NEK10: variants seen among roughly 807,000 people sequenced by gnomAD.
NEK10 encodes serine/threonine-protein kinase Nek10.
In NEK10, 122 loss-of-function variants were observed where a neutral mutation model predicts 159.8. That is an observed-to-expected ratio of 0.76 (90% CI 0.66 to 0.89). The LOEUF is 0.89. Ranked by LOEUF, NEK10 falls within the 40% of genes least tolerant of loss-of-function variation. The pLI is 0.00. For missense variants in NEK10, 1,342 were observed against 1,323.1 expected, an observed-to-expected ratio of 1.01 and a Z score of -0.22; for synonymous variants, 466 against 457.1, an observed-to-expected ratio of 1.02 and a Z score of -0.25.
intron 23 of NEK10, among the ~76,000 whole-genome samples, chr3:27,208,433 T>C (rs1950712875): frequency 6.6e-6 from 1 of 151,978 alleles, no homozygotes; most frequent in African/African-American, 2.4e-5. Flanking sequence ...CCATAAAAAT[T>C]AAAGAGCACC....
chr3:27,148,790 C>G (rs1944549329), intron 30 of NEK10, among the ~76,000 whole-genome samples: 2 of 152,110 alleles, frequency 1.3e-5, no homozygotes, highest in Admixed American at 6.5e-5. Context: ...TTCCTTTAGC[C>G]TTTCCTCCCA....
At chr3:27,174,986 ACAG>A (rs1193407860) in intron 26 of NEK10, among the ~76,000 whole-genome samples, 153 bp from the exon 27 acceptor site, 1 of 152,220 alleles carries the variant, frequency 6.6e-6, no homozygotes, top group Non-Finnish European at 1.5e-5. Context: ...TACACCTGTT[ACAG>A]AATCTATTCA....
chr3:27,210,710 C>A (rs1449397202), intron 23 of NEK10, among the ~76,000 whole-genome samples: 1 of 152,192 alleles, frequency 6.6e-6, no homozygotes, highest in Non-Finnish European at 1.5e-5. Flanking sequence ...AATTTCTATA[C>A]CTTTCTCCTA....
rs1939379275 is a variant in NEK10 at position 27,110,238 on chromosome 3, T to C, written c.*1034A>G. Reference sequence around the variant, plus strand: ...TAAGAAGCTGATTGAAGAGAAGGAGTTTAAGCCCAGTGAGAATCTAGCAGA... The same window carrying C: ...TAAGAAGCTGATTGAAGAGAAGGAGCTTAAGCCCAGTGAGAATCTAGCAGA... On this transcript the variant is annotated 3_prime_UTR_variant, in exon 36 of 36. Transcript: ENST00000691995. 2 of 151,540 alleles carry C rather than the reference T, an allele frequency of 1.3e-5. No homozygotes were observed. Among genetic ancestry groups the C allele is most frequent in the African/African-American group, 4.9e-5 (2 of 41,214 alleles). 9.4% of individuals were successfully genotyped at this position (151,540 alleles called of 1,614,324 possible).
At position 27,174,483 on chromosome 3, in the gene NEK10, T is replaced by A; in HGVS notation, c.2732A>T (p.Asn911Ile). The A allele has an allele frequency of 6.2e-7, 1 of 1,612,214 alleles. No homozygotes were observed. Among genetic ancestry groups the A allele is most frequent in the Non-Finnish European group, 8.5e-7 (1 of 1,179,648 alleles). The change falls in exon 28 of 36, where the codon AAC becomes ATC. Residue 911 changes from asparagine (N) to isoleucine (I), a missense_variant. Asn to Ile is a moderately radical substitution (Grantham distance 149). Coordinates refer to ENST00000691995, the MANE Select transcript of NEK10 (RefSeq NM_001394966.1). The stretch of plus-strand genomic sequence containing the variant: ...AGGGCTTGAACTGGAGCTGCTGGAG[T>A]TATCCGAAATGTCCAATTCATCATC... ...EVDDELDISD[N>I]SSSSSSSPLK...
chr3:27,127,300 C>T (rs1346975572), intron 32 of NEK10, among the ~76,000 whole-genome samples: 1 of 152,084 alleles, frequency 6.6e-6, no homozygotes, highest in African/African-American at 2.4e-5. Context: ...ATAATTATCC[C>T]ACCTAAGAGG....
chr3:27,272,982 T>C (rs1272836429), intron 22 of NEK10, among the ~76,000 whole-genome samples: 1 of 152,150 alleles, frequency 6.6e-6, no homozygotes, highest in African/African-American at 2.4e-5. Context: ...GAGGGTATTA[T>C]AAGGAAAACA....
chr3:27,202,533 C>G lies in NEK10; in HGVS notation c.2115G>C (p.Pro705=), dbSNP rs139369015. 2 of 1,611,620 alleles carry G rather than the reference C, an allele frequency of 1.2e-6. No individual in the cohort carries two copies. The highest frequency in any genetic ancestry group is 8.5e-7 in the Non-Finnish European group (1 of 1,178,696). ...CCCAGACATCAGCCTTCTCCCCATA[C>G]GGCTCACTCTTCAGTACCTCGGGGC... ...YSCPEVLKSE[P]YGEKADVWAV... is the part of the protein sequence containing the mutation. Residue 705 remains proline, a synonymous_variant, in exon 24 of 36, where the codon CCG becomes CCC. Coordinates refer to ENST00000691995, the MANE Select transcript of NEK10 (RefSeq NM_001394966.1).
chr3:27,284,968 A>C lies in NEK10; in HGVS notation c.1790-7T>G. 6.3e-7 allele frequency: 1 copy of C among 1,576,966 alleles called. No individual in the cohort carries two copies. The highest frequency in any genetic ancestry group is 2.2e-5 in the East Asian group (1 of 44,752). Reference sequence around the variant, plus strand: ...ACTATGTACAACCTATCATCTATATAAATATCACAAAAGGTCACAGAAATT... The same window carrying C: ...ACTATGTACAACCTATCATCTATATCAATATCACAAAAGGTCACAGAAATT... On this transcript the variant is annotated splice_region_variant and splice_polypyrimidine_tract_variant and intron_variant, in intron 20 of 35. Coordinates refer to ENST00000691995, the MANE Select transcript of NEK10 (RefSeq NM_001394966.1).
At chr3:27,308,203 C>G (rs2044394270) in intron 10 of NEK10, among the ~76,000 whole-genome samples, 1 of 152,088 alleles carries the variant, frequency 6.6e-6, no homozygotes, top group African/African-American at 2.4e-5. Context: ...GGAAGAGCCC[C>G]TTATAAAACC....
rs748469017 is a variant in NEK10, at chr3:27,312,123, C to A, written c.544G>T (p.Val182Leu). The A allele has an allele frequency of 1.2e-6, 2 of 1,612,610 alleles. No homozygotes were observed. Among genetic ancestry groups the A allele is most frequent in the Non-Finnish European group, 1.7e-6 (2 of 1,179,026 alleles). The change falls in exon 8 of 36, where the codon GTG becomes TTG. Residue 182 changes from valine (V) to leucine (L), a missense_variant. By Grantham distance (32) the Val-to-Leu change is conservative. Coordinates refer to ENST00000691995, the MANE Select transcript of NEK10 (RefSeq NM_001394966.1). ...CATGTCATGTTGACCAGCTTGTCCACAGTGTGCTGCTCTTCTCCATAGCCG... is the reference window on the plus strand; with the variant it reads ...CATGTCATGTTGACCAGCTTGTCCAAAGTGTGCTGCTCTTCTCCATAGCCG... ...YLGYGEEQHT[V>L]DKLVNMTYIF... is the part of the protein sequence containing the mutation.
intron 29 of NEK10, among the ~76,000 whole-genome samples, chr3:27,168,428 C>T (rs1478503356): frequency 6.6e-6 from 1 of 152,052 alleles, no homozygotes; most frequent in Non-Finnish European, 1.5e-5. Flanking sequence ...CCAGGAAAAT[C>T]CTAAACAAAT....
intron 30 of NEK10, among the ~76,000 whole-genome samples, chr3:27,148,458 T>C (rs1209590205): frequency 6.6e-6 from 1 of 152,188 alleles, no homozygotes; most frequent in Non-Finnish European, 1.5e-5. Context: ...CAAAATGGTA[T>C]GGCTCATGTG....
intron 32 of NEK10, among the ~76,000 whole-genome samples, chr3:27,123,716 C>A (rs1941597243): frequency 6.6e-6 from 1 of 151,862 alleles, no homozygotes; most frequent in African/African-American, 2.4e-5. Context: ...TAGGAGGTAG[C>A]AGATAGATTT....
At chr3:27,223,095 C>T (rs899686083) in intron 23 of NEK10, among the ~76,000 whole-genome samples, 2 of 152,098 alleles carry the variant, frequency 1.3e-5, no homozygotes, top group Admixed American at 6.5e-5. Context: ...TTTCTAGAAC[C>T]CTTTCTTCAT....
rs1009950524 is a variant in NEK10 at position 27,228,337 on chromosome 3, C to G, written c.2091-25780G>C. On this transcript the variant is annotated intron_variant, in intron 23 of 35. Transcript: ENST00000691995. ...ATATTTGGAATTACCACTTTCCCTC[C>G]CATTGCTCAGATTTTGTGCTCTCTT... is the stretch of plus-strand genomic sequence containing the variant. Among the ~76,000 whole-genome samples, 9 of 152,040 alleles carry G rather than the reference C, an allele frequency of 5.9e-5. 1 individual carries two copies. The highest frequency in any genetic ancestry group is 3.3e-4 in the Admixed American group (5 of 15,262).
chr3:27,129,632 A>G (rs1942383011), intron 32 of NEK10, among the ~76,000 whole-genome samples: 1 of 152,170 alleles, frequency 6.6e-6, no homozygotes, highest in African/African-American at 2.4e-5. Context: ...GAATGGAACA[A>G]CTATATATTA....
At chr3:27,244,788 G>A (rs2149272821) in intron 23 of NEK10, among the ~76,000 whole-genome samples, 1 of 152,028 alleles carries the variant, frequency 6.6e-6, no homozygotes, top group Admixed American at 6.6e-5. Flanking sequence ...AACTCTGAAG[G>A]GCACCTGTGG....
rs1383382984 is a variant in NEK10, at chr3:27,202,501, C to A, written c.2147G>T (p.Gly716Val). 4 of 1,612,984 alleles carry A rather than the reference C, an allele frequency of 2.5e-6. No individual in the cohort carries two copies. The Admixed American group carries it at 6.7e-5, about 27-fold the overall frequency. Residue 716 changes from glycine (G) to valine (V), a missense_variant, in exon 24 of 36, where the codon GGC becomes GTC. Gly to Val is a moderately radical substitution (Grantham distance 109). Coordinates refer to ENST00000691995, the MANE Select transcript of NEK10 (RefSeq NM_001394966.1). ...AGTCGCCATCTGATAAAGGATGCAG[C>A]CTACTGCCCAGACATCAGCCTTCTC... ...YGEKADVWAV[G>V]CILYQMATLS...
Sources: gnomAD v4.1 joint callset for allele counts (sites outside exome capture counted in the v4.1 genomes callset) on GRCh38, gnomAD v4.1.1 for gene constraint, MANE v1.5 for transcripts, NCBI Gene and HGNC (gene_info 2026-07-23, HGNC 2026-07-21) for gene names.